COX4I2: variants seen among roughly 807,000 people sequenced by gnomAD.
COX4I2 encodes the protein cytochrome c oxidase subunit 4I2, also known as cytochrome c oxidase subunit 4 isoform 2, mitochondrial.
COX4I2 carries 15 observed loss-of-function variants against 20.8 expected under a neutral mutation model. That is an observed-to-expected ratio of 0.72 (90% CI 0.48 to 1.11). The LOEUF is 1.11. Among genes scored for constraint, COX4I2 ranks in the 50% most tolerant of loss-of-function variants. The pLI is 0.00. For synonymous variants in COX4I2, 80 were observed against 78.1 expected, an observed-to-expected ratio of 1.02 and a Z score of -0.13; for missense variants, 224 against 223.0, an observed-to-expected ratio of 1.00 and a Z score of -0.03.
rs1600718567 is a variant in COX4I2 at position 31,639,978 on chromosome 20, A to G, written c.128A>G (p.Gln43Arg). 5 of 1,614,142 alleles carry G rather than the reference A, an allele frequency of 3.1e-6. No homozygotes were observed. In the African/African-American group the frequency reaches 4.0e-5, roughly 13 times the overall value. The stretch of plus-strand genomic sequence containing the variant: ...TCCCCCTACACCAACTGCTATGCCC[A>G]GCGCTACTACCCCATGCCAGAAGAG... ...KMSPYTNCYA[Q>R]RYYPMPEEPF... The change falls in exon 3 of 5, where the codon CAG becomes CGG. Residue 43 changes from glutamine (Q) to arginine (R), a missense_variant. Coordinates refer to ENST00000376075, the MANE Select transcript of COX4I2 (RefSeq NM_032609.3).
intron 1 of COX4I2, among the ~76,000 whole-genome samples, chr20:31,638,368 C>G (rs2122317951): frequency 6.6e-6 from 1 of 151,672 alleles, no homozygotes; most frequent in East Asian, 2.0e-4. Context: ...TCCCTCTGAC[C>G]CAGTTAAGTC....
chr20:31,640,954 TACACACACACACACACACACAC>T (rs35214276), intron 3 of COX4I2, among the ~76,000 whole-genome samples: 62 of 133,534 alleles, frequency 4.6e-4, no homozygotes, highest in Non-Finnish European at 1.6e-4. Context: ...TCTCTCTTTC[TACACACACACACACACACACAC>T]ACACACACAC....
At chr20:31,640,918 C>G (rs1300690522) in intron 3 of COX4I2, among the ~76,000 whole-genome samples, 2 of 151,576 alleles carry the variant, frequency 1.3e-5, no homozygotes, top group African/African-American at 4.9e-5. Flanking sequence ...CCAGCCCTCT[C>G]TCAGCACCTT....
In COX4I2 at chr20:31,639,051, A is replaced by T. The variant is rs1252505794; in HGVS notation, c.34A>T (p.Arg12Trp). Residue 12 changes from arginine (R) to tryptophan (W), a missense_variant, in exon 2 of 5, where the codon AGG (arginine) becomes TGG (tryptophan). Coordinates refer to ENST00000376075, the MANE Select transcript of COX4I2 (RefSeq NM_032609.3). The stretch of plus-strand genomic sequence containing the variant: ...CAGAGCTGCCTGGAGCTTGGTGCTG[A>T]GGAAAGGTGGAGGTGGAAGACGAGG... The part of the protein sequence containing the change: ...LPRAAWSLVL[R>W]KGGGGRRGMH... 2.5e-6 allele frequency: 4 copies of T among 1,612,764 alleles called. No individual in the cohort carries two copies. Among genetic ancestry groups the T allele is most frequent in the Middle Eastern group, 3.3e-4 (2 of 6,044 alleles).
intron 1 of COX4I2, 23 bp from the exon 2 acceptor site, chr20:31,638,995 C>CAT: frequency 6.3e-7 from 1 of 1,598,022 alleles, no homozygotes; most frequent in Non-Finnish European, 8.5e-7. Flanking sequence ...GGGCAGAACT[C>CAT]ATCTATACCT....
intron 3 of COX4I2, among the ~76,000 whole-genome samples, chr20:31,640,683 C>A (rs1365797648): frequency 6.6e-6 from 1 of 152,042 alleles, no homozygotes; most frequent in Non-Finnish European, 1.5e-5. Flanking sequence ...ACCAGAGCAT[C>A]CCTGAGCTGA....
chr20:31,644,997 CAA>C lies in COX4I2; in HGVS notation c.*101_*102del. ...CCTGCCCTTAACCCCAGTAAAGCTC[CAA>C]AAAAAAATTTATTCTCTTCTGCCTC... On this transcript the variant is annotated 3_prime_UTR_variant, in exon 5 of 5. Coordinates refer to ENST00000376075, the MANE Select transcript of COX4I2 (RefSeq NM_032609.3). 7.0e-7 allele frequency: 1 copy of C among 1,437,972 alleles called. No individual in the cohort carries two copies. The highest frequency in any genetic ancestry group is 9.5e-7 in the Non-Finnish European group (1 of 1,055,252). 89.1% of individuals were successfully genotyped at this position (1,437,972 alleles called of 1,614,324 possible).
chr20:31,639,906 A>C, intron 2 of COX4I2, 27 bp from the exon 3 acceptor site: 1 of 1,613,664 alleles, frequency 6.2e-7, no homozygotes, highest in Non-Finnish European at 8.5e-7. Flanking sequence ...GGCAGCCTGG[A>C]CTCAGCTCCC....
intron 3 of COX4I2, among the ~76,000 whole-genome samples, chr20:31,642,351 G>A (rs2060472901): frequency 6.6e-6 from 1 of 151,242 alleles, no homozygotes; most frequent in African/African-American, 2.4e-5. Context: ...AAGGAATTCT[G>A]CTGCCAGCTT....
rs1011233313 is a variant in COX4I2, at chr20:31,640,137, G to A, written c.247+40G>A. On this transcript the variant is annotated intron_variant, in intron 3 of 4. Coordinates refer to ENST00000376075, the MANE Select transcript of COX4I2 (RefSeq NM_032609.3). Reference sequence around the variant, plus strand: ...GGGGCTGGCTGGAGAGAGTGGGTTGGGGGCTGACTTTGGAAAGAATGGCCT... The same window carrying A: ...GGGGCTGGCTGGAGAGAGTGGGTTGAGGGCTGACTTTGGAAAGAATGGCCT... 5 of 1,568,112 alleles carry A rather than the reference G, an allele frequency of 3.2e-6. No individual in the cohort carries two copies. In the East Asian group the frequency reaches 1.2e-4, roughly 36 times the overall value.
In COX4I2 at chr20:31,640,100, A is replaced by G; in HGVS notation, c.247+3A>G. 1 of 1,606,276 alleles carries G rather than the reference A, an allele frequency of 6.2e-7. No individual in the cohort carries two copies. Among genetic ancestry groups the G allele is most frequent in the Non-Finnish European group, 8.5e-7 (1 of 1,178,922 alleles). On this transcript the variant is annotated splice_donor_region_variant and intron_variant, in intron 3 of 4. Coordinates refer to ENST00000376075, the MANE Select transcript of COX4I2 (RefSeq NM_032609.3). ...GACCCACGCCGAAAAGGTGGCCTGT[A>G]AGTGTCAGGGTGGGGCTGGCTGGAG...
rs372046430 is a variant in COX4I2 at position 31,639,123 on chromosome 20, C to T, written c.82+24C>T. The T allele has an allele frequency of 2.5e-6, 4 of 1,590,788 alleles. No individual in the cohort carries two copies. The African/African-American group carries it at 5.4e-5, about 21-fold the overall frequency. The stretch of plus-strand genomic sequence containing the variant: ...CAGTGAGACCTGGACTCCTTCCTCC[C>T]TGCCTAACTCCAGAGATAGGGGCAG... On this transcript the variant is annotated intron_variant, in intron 2 of 4. Transcript: ENST00000376075.
intron 4 of COX4I2, among the ~76,000 whole-genome samples, chr20:31,644,498 G>A (rs1235120072): frequency 6.6e-6 from 1 of 152,176 alleles, no homozygotes; most frequent in Non-Finnish European, 1.5e-5. Flanking sequence ...ACTGAGTTGT[G>A]AAGGACCTTG....
chr20:31,643,185 T>G (rs1487165655), intron 3 of COX4I2, among the ~76,000 whole-genome samples: 1 of 152,242 alleles, frequency 6.6e-6, no homozygotes, highest in Non-Finnish European at 1.5e-5. Flanking sequence ...ACTGTTTGCC[T>G]GAAGCATTTG....
At chr20:31,639,766 C>T (rs972963192) in intron 2 of COX4I2, among the ~76,000 whole-genome samples, 167 bp from the exon 3 acceptor site, 2 of 151,954 alleles carry the variant, frequency 1.3e-5, no homozygotes, top group Admixed American at 6.6e-5. Context: ...CTGTCTTGGC[C>T]AGGCTGGTCT....
chr20:31,644,898 G>A lies in COX4I2; in HGVS notation c.510G>A (p.Lys170=). ...GGGACTATGAGAAGAAGCAGTGGAA[G>A]AAGTGACTTGCATCCCCAGCTGTCT... ...SRWDYEKKQW[K]K Residue 170 remains lysine (K), a synonymous_variant, in exon 5 of 5, where the codon AAG becomes AAA. Coordinates refer to ENST00000376075, the MANE Select transcript of COX4I2 (RefSeq NM_032609.3). 6.2e-7 allele frequency: 1 copy of A among 1,613,772 alleles called. No homozygotes were observed. Among genetic ancestry groups the A allele is most frequent in the South Asian group, 1.1e-5 (1 of 91,040 alleles).
chr20:31,641,888 T>A (rs2060470228), intron 3 of COX4I2, among the ~76,000 whole-genome samples: 1 of 151,498 alleles, frequency 6.6e-6, no homozygotes, highest in Admixed American at 6.6e-5. Flanking sequence ...GTATTTTTTT[T>A]GTAGAGACAG....
intron 2 of COX4I2, 132 bp downstream of exon 2, chr20:31,639,231 C>T (rs765420009): frequency 1.3e-6 from 2 of 1,530,110 alleles, no homozygotes; most frequent in Admixed American, 2.0e-5. Context: ...TTCCCATGAT[C>T]CCACTCCTTG....
chr20:31,641,960 C>G (rs1405898976), intron 3 of COX4I2, among the ~76,000 whole-genome samples: 1 of 152,074 alleles, frequency 6.6e-6, no homozygotes, highest in African/African-American at 2.4e-5. Context: ...CCCACCTCAG[C>G]CTCCCAAAGT....
Sources: gnomAD v4.1 joint callset for allele counts (sites outside exome capture counted in the v4.1 genomes callset) on GRCh38, gnomAD v4.1.1 for gene constraint, MANE v1.5 for transcripts, NCBI Gene and HGNC (gene_info 2026-07-23, HGNC 2026-07-21) for gene names.